Variants in TMC1 observed in about 807,000 individuals in gnomAD.
TMC1 encodes transmembrane channel like 1.
Under a neutral mutation model 105.8 loss-of-function variants are expected in TMC1, and 84 were observed. The observed-to-expected ratio is 0.79, with a 90% CI of 0.67 to 0.95. TMC1 has a LOEUF of 0.95. TMC1 is among the 40% of genes least tolerant of loss of function. The pLI, the probability that TMC1 is intolerant of heterozygous loss-of-function variation, is 0.00. For synonymous variants in TMC1, 315 were observed against 311.5 expected, an observed-to-expected ratio of 1.01 and a Z score of -0.12; for missense variants, 817 against 914.1, an observed-to-expected ratio of 0.89 and a Z score of 1.37.
At chr9:72,823,812 A>G (rs1011846238) in intron 20 of TMC1, among the ~76,000 whole-genome samples, 3 of 152,232 alleles carry the variant, frequency 2.0e-5, no homozygotes, top group Non-Finnish European at 4.4e-5. Context: ...TATTTTTCAT[A>G]TATTTTCATC....
Position 72,538,154 on chromosome 9 carries a change from T to TG in TMC1, c.-428+16242dup, listed in dbSNP as rs1205755146. ...CTGGGTGACAGAGCCAGACCCTGTCTGAAAAAAAAAAAAAAAAAAGTGAAA... is the reference window on the plus strand; with the variant it reads ...CTGGGTGACAGAGCCAGACCCTGTCTGGAAAAAAAAAAAAAAAAAAGTGAAA... On this transcript the variant is annotated intron_variant, in intron 1 of 23. Coordinates refer to ENST00000297784, the MANE Select transcript of TMC1 (RefSeq NM_138691.3). 6.2e-5 allele frequency among the ~76,000 whole-genome samples: 5 copies of TG among 80,804 alleles called. No individual in the cohort carries two copies. The East Asian group carries it at 1.1e-3, about 18-fold the overall frequency. 53.0% of individuals were successfully genotyped at this position (80,804 alleles called of 152,430 possible). A position where few individuals can be genotyped will look rare whatever the true frequency, so the allele number is the denominator to read the frequency against.
chr9:72,692,786 A>T (rs1256604117), intron 6 of TMC1, among the ~76,000 whole-genome samples: 2 of 152,090 alleles, frequency 1.3e-5, no homozygotes, highest in Non-Finnish European at 2.9e-5. Context: ...CTTGATTTGG[A>T]TGACAGAATA....
At chr9:72,542,887 G>A (rs1247109868) in intron 1 of TMC1, among the ~76,000 whole-genome samples, 1 of 151,674 alleles carries the variant, frequency 6.6e-6, no homozygotes, top group African/African-American at 2.4e-5. Flanking sequence ...CACTATCTTG[G>A]CCAGGCTGGT....
At chr9:72,639,660 C>G (rs12339588) in intron 4 of TMC1, among the ~76,000 whole-genome samples, 23,319 of 151,916 alleles carry the variant, frequency 0.15, 1,911 homozygotes, top group Non-Finnish European at 0.19. Flanking sequence ...AATGTAATTA[C>G]TCTGACATTT....
Position 72,599,329 on chromosome 9 carries a change from C to G in TMC1, c.-305-17039C>G, listed in dbSNP as rs373794178. On this transcript the variant is annotated intron_variant, in intron 2 of 23. Coordinates refer to ENST00000297784, the MANE Select transcript of TMC1 (RefSeq NM_138691.3). Reference sequence around the variant, plus strand: ...TACAGGCATGAACCACCACACCTGGCCATTTCCCACTATTTTGTTGATAAA... The same window carrying G: ...TACAGGCATGAACCACCACACCTGGGCATTTCCCACTATTTTGTTGATAAA... Among the ~76,000 whole-genome samples, 78 of 152,264 alleles carry G rather than the reference C, an allele frequency of 5.1e-4. No individual in the cohort carries two copies. In the East Asian group the frequency reaches 0.012, roughly 23 times the overall value.
At chr9:72,743,168 C>A (rs553956626) in intron 10 of TMC1, among the ~76,000 whole-genome samples, 4 of 151,768 alleles carry the variant, frequency 2.6e-5, no homozygotes, top group South Asian at 4.2e-4. Context: ...GAGATCGAGA[C>A]CATCCCGGCT....
chr9:72,749,431 T>C (rs1174240965), intron 10 of TMC1, among the ~76,000 whole-genome samples: 1 of 152,010 alleles, frequency 6.6e-6, no homozygotes, highest in Non-Finnish European at 1.5e-5. Flanking sequence ...ACATGATGAG[T>C]GAACCTGGCT....
At chr9:72,835,912 C>CCT in intron 23 of TMC1, 39 bp from the exon 24 acceptor site, 1 of 1,436,372 alleles carries the variant, frequency 7.0e-7, no homozygotes, top group Non-Finnish European at 9.6e-7. Context: ...TCTCTCTCTC[C>CCT]TTGTTTTTTT....
At chr9:72,686,983 G>A (rs959026623) in intron 5 of TMC1, among the ~76,000 whole-genome samples, 24 of 152,178 alleles carry the variant, frequency 1.6e-4, no homozygotes, top group African/African-American at 3.4e-4. Context: ...TTTCTCTCCC[G>A]TGGTTATTAG....
At chr9:72,622,647 C>T (rs1431679151) in intron 3 of TMC1, among the ~76,000 whole-genome samples, 1 of 152,120 alleles carries the variant, frequency 6.6e-6, no homozygotes, top group African/African-American at 2.4e-5. Context: ...AAGTTAAAGG[C>T]TCAACAATAC....
At chr9:72,569,911 A>G (rs1419727537) in intron 1 of TMC1, among the ~76,000 whole-genome samples, 1 of 152,120 alleles carries the variant, frequency 6.6e-6, no homozygotes, top group Non-Finnish European at 1.5e-5. Flanking sequence ...GTGAAGAAGA[A>G]CCGATCTGTA....
intron 2 of TMC1, among the ~76,000 whole-genome samples, chr9:72,604,806 A>G (rs575201891): frequency 6.6e-6 from 1 of 152,250 alleles, no homozygotes; most frequent in Non-Finnish European, 1.5e-5. Context: ...GTTTTGTACA[A>G]TAAGTAGTGA....
At chr9:72,568,739 A>G (rs1824213697) in intron 1 of TMC1, among the ~76,000 whole-genome samples, 1 of 152,218 alleles carries the variant, frequency 6.6e-6, no homozygotes, top group Non-Finnish European at 1.5e-5. Flanking sequence ...GATCCAAGAT[A>G]GTGGACCAAA....
At chr9:72,587,155 G>T (rs1021130258) in intron 2 of TMC1, among the ~76,000 whole-genome samples, 1 of 134,454 alleles carries the variant, frequency 7.4e-6, no homozygotes, top group Non-Finnish European at 1.5e-5. Context: ...TTATGTAACA[G>T]ATAACTTTTT....
At chr9:72,828,631 A>T (rs1447868454) in intron 21 of TMC1, among the ~76,000 whole-genome samples, 2 of 152,240 alleles carry the variant, frequency 1.3e-5, no homozygotes, top group Non-Finnish European at 2.9e-5. Context: ...TTTAATTCCC[A>T]TAACAGCTTT....
chr9:72,670,584 T>C (rs537130233), intron 5 of TMC1, among the ~76,000 whole-genome samples: 2 of 152,210 alleles, frequency 1.3e-5, no homozygotes, highest in East Asian at 3.9e-4. Flanking sequence ...TTATACATAA[T>C]TGCCCCATCA....
At chr9:72,688,629 A>G in intron 5 of TMC1, 80 bp from the exon 6 acceptor site, 2 of 1,329,174 alleles carry the variant, frequency 1.5e-6, no homozygotes, top group South Asian at 2.5e-5. Flanking sequence ...ATTATGATAA[A>G]AACAATAAAA....
intron 2 of TMC1, among the ~76,000 whole-genome samples, chr9:72,603,945 C>A (rs902166481): frequency 1.5e-5 from 2 of 137,448 alleles, no homozygotes; most frequent in African/African-American, 5.4e-5. Context: ...TGGCTCATTG[C>A]AACTTCTGCC....
At chr9:72,602,193 C>T (rs940870495) in intron 2 of TMC1, among the ~76,000 whole-genome samples, 1 of 151,796 alleles carries the variant, frequency 6.6e-6, no homozygotes, top group Non-Finnish European at 1.5e-5. Flanking sequence ...TCGTTTAATC[C>T]TCATGGCAAT....
Sources: gnomAD v4.1 joint callset for allele counts (sites outside exome capture counted in the v4.1 genomes callset) on GRCh38, gnomAD v4.1.1 for gene constraint, MANE v1.5 for transcripts, NCBI Gene and HGNC (gene_info 2026-07-23, HGNC 2026-07-21) for gene names.